SCAI: variants seen among roughly 807,000 people sequenced by gnomAD.
SCAI encodes the protein protein SCAI.
SCAI carries 24 observed loss-of-function variants against 92.2 expected under a neutral mutation model. That is an observed-to-expected ratio of 0.26 (90% CI 0.19 to 0.37). SCAI has a LOEUF of 0.37. Ranked by LOEUF, SCAI falls within the 10% of genes least tolerant of loss-of-function variation. SCAI has a pLI of 1.00. For synonymous variants in SCAI, 261 were observed against 258.6 expected (o/e 1.01, Z -0.09); for missense variants, 450 against 736.2 (o/e 0.61, Z 4.50).
At position 125,091,955 on chromosome 9, in the gene SCAI, AAAAAAT is replaced by A. The variant is rs1267420181; in HGVS notation, c.99-35954_99-35949del. 4.0e-5 allele frequency among the ~76,000 whole-genome samples: 6 copies of A among 151,786 alleles called. No homozygotes were observed. Among genetic ancestry groups the A allele is most frequent in the African/African-American group, 1.2e-4 (5 of 41,320 alleles). ...TGAAACCCCGTCTCTACCAAAAATA[AAAAAAT>A]AAAAATAAAAATAAAAAAATTAGCC... On this transcript the variant is annotated intron_variant, in intron 2 of 17. Transcript: ENST00000336505. This position sits in a 1 kb window ranked among gnomAD's most constrained non-coding sequence, Gnocchi z 4.3.
intron 9 of SCAI, among the ~76,000 whole-genome samples, chr9:125,004,783 T>C: frequency 2.1e-5 from 1 of 48,360 alleles, no homozygotes; most frequent in Admixed American, 3.1e-4. Context: ...ATATATATTT[T>C]TTTTTTTTTT....
intron 3 of SCAI, among the ~76,000 whole-genome samples, chr9:125,037,472 C>T (rs1188173613): frequency 6.6e-6 from 1 of 151,920 alleles, no homozygotes; most frequent in Admixed American, 6.6e-5. Flanking sequence ...AAGAACAATC[C>T]CATGACCTAA....
intron 4 of SCAI, among the ~76,000 whole-genome samples, chr9:125,029,105 ATTATTTATTT>A (rs1446413840): frequency 6.6e-6 from 1 of 150,808 alleles, no homozygotes; most frequent in Non-Finnish European, 1.5e-5. Flanking sequence ...GCCTTATTTT[ATTATTTATTT>A]TTATTTATTT....
At chr9:125,125,810 G>A (rs528138181) in intron 2 of SCAI, among the ~76,000 whole-genome samples, 7 of 110,990 alleles carry the variant, frequency 6.3e-5, no homozygotes, top group South Asian at 2.9e-4. Flanking sequence ...CAGCCTGGGC[G>A]ACAGAGTAAA....
At chr9:125,098,190 G>A (rs1035107084) in intron 2 of SCAI, among the ~76,000 whole-genome samples, 1 of 151,952 alleles carries the variant, frequency 6.6e-6, no homozygotes, top group South Asian at 2.1e-4. Flanking sequence ...CAGTAGCTGG[G>A]ACTACAGATG....
At chr9:125,105,386 T>C (rs1588225273) in intron 2 of SCAI, among the ~76,000 whole-genome samples, 1 of 152,366 alleles carries the variant, frequency 6.6e-6, no homozygotes, top group Non-Finnish European at 1.5e-5. Context: ...TCTGCTCCTA[T>C]TCCCTTCATG....
At chr9:124,985,891 A>C (rs945996562) in intron 14 of SCAI, among the ~76,000 whole-genome samples, 2 of 151,700 alleles carry the variant, frequency 1.3e-5, no homozygotes, top group Non-Finnish European at 2.9e-5. Flanking sequence ...AAGAAATTCC[A>C]ATTTCATATA....
chr9:125,097,806 A>C (rs1191341475), intron 2 of SCAI, among the ~76,000 whole-genome samples: 1 of 151,764 alleles, frequency 6.6e-6, no homozygotes, highest in Non-Finnish European at 1.5e-5. Flanking sequence ...GAAAGATTAC[A>C]GATATTTCGT....
chr9:125,125,195 T>G (rs528037224), intron 2 of SCAI, among the ~76,000 whole-genome samples: 63 of 152,092 alleles, frequency 4.1e-4, no homozygotes, highest in African/African-American at 1.4e-3. Flanking sequence ...CACTCCAGCC[T>G]GAGAGACAGA....
At chr9:124,999,236 A>C (rs982180046) in intron 13 of SCAI, among the ~76,000 whole-genome samples, 4 of 151,956 alleles carry the variant, frequency 2.6e-5, no homozygotes, top group African/African-American at 9.7e-5. Flanking sequence ...AAAATACAAA[A>C]ATTAGCCGGG....
chr9:125,008,017 T>C (rs1832548810), intron 9 of SCAI, among the ~76,000 whole-genome samples: 1 of 151,938 alleles, frequency 6.6e-6, no homozygotes, highest in South Asian at 2.1e-4. Context: ...GGCTAATTTT[T>C]TGTATTTTTA....
intron 2 of SCAI, among the ~76,000 whole-genome samples, chr9:125,108,843 C>A (rs1440555389): frequency 1.3e-5 from 2 of 152,228 alleles, no homozygotes; most frequent in African/African-American, 4.8e-5. Flanking sequence ...CCGGCCACCA[C>A]CCCGTCTGGG....
intron 14 of SCAI, among the ~76,000 whole-genome samples, chr9:124,984,741 G>A (rs1831954368): frequency 1.3e-5 from 2 of 152,186 alleles, no homozygotes; most frequent in South Asian, 4.1e-4. Flanking sequence ...CTAAAGATAT[G>A]GAGTAGGTAG....
intron 14 of SCAI, among the ~76,000 whole-genome samples, chr9:124,994,146 C>A (rs10819021): frequency 6.6e-6 from 1 of 151,444 alleles, no homozygotes; most frequent in African/African-American, 2.4e-5. Context: ...GTGAGTCTCC[C>A]GCCTCAGCCT....
chr9:125,065,506 AAAG>A (rs1271868137), intron 2 of SCAI, among the ~76,000 whole-genome samples: 3 of 152,202 alleles, frequency 2.0e-5, no homozygotes, highest in Non-Finnish European at 4.4e-5. Context: ...AAAAACATCT[AAAG>A]AAGACAAAAG....
intron 2 of SCAI, among the ~76,000 whole-genome samples, chr9:125,114,929 T>C (rs1435664944): frequency 6.6e-6 from 1 of 151,990 alleles, no homozygotes; most frequent in Non-Finnish European, 1.5e-5. Context: ...ATGCACACCA[T>C]GCCCAGCTAA....
intron 12 of SCAI, among the ~76,000 whole-genome samples, chr9:125,000,561 C>T (rs1486677027): frequency 2.0e-5 from 3 of 150,988 alleles, no homozygotes; most frequent in African/African-American, 7.3e-5. Flanking sequence ...ATGATCACAC[C>T]ATTGCACTCC....
intron 2 of SCAI, among the ~76,000 whole-genome samples, chr9:125,113,777 A>G (rs1406257164): frequency 6.6e-6 from 1 of 151,786 alleles, no homozygotes; most frequent in Non-Finnish European, 1.5e-5. Context: ...AGCCTGACCA[A>G]CATGGAGAAA....
At chr9:124,977,711 A>G (rs899986602) in intron 14 of SCAI, among the ~76,000 whole-genome samples, 2 of 152,142 alleles carry the variant, frequency 1.3e-5, no homozygotes, top group African/African-American at 4.8e-5. Context: ...ATAACAGAAG[A>G]AAAACGTCAG....
Sources: gnomAD v4.1 joint callset for allele counts (sites outside exome capture counted in the v4.1 genomes callset) on GRCh38, gnomAD v4.1.1 for gene constraint, Gnocchi (gnomAD v3.1) non-coding constraint, MANE v1.5 for transcripts, NCBI Gene and HGNC (gene_info 2026-07-23, HGNC 2026-07-21) for gene names.